The following RUNX1 variants were observed in gnomAD, a reference collection of about 807,000 sequenced individuals.
The protein encoded by RUNX1 is runt-related transcription factor 1.
Under a neutral mutation model 42.8 loss-of-function variants are expected in RUNX1, and 19 were observed. That is an observed-to-expected ratio of 0.44 (90% confidence interval 0.31 to 0.65). The LOEUF (loss-of-function observed/expected upper bound fraction) is 0.65, where lower values mean the gene tolerates loss of function less well. RUNX1 is among the 30% of genes least tolerant of loss of function. The pLI is 0.07. For missense variants in RUNX1, 528 were observed against 672.0 expected (o/e 0.79, Z 2.37); for synonymous variants, 271 against 289.4 (o/e 0.94, Z 0.64).
At chr21:34,923,762 C>T (rs1046198038) in intron 2 of RUNX1, among the ~76,000 whole-genome samples, 1 of 146,814 alleles carries the variant, frequency 6.8e-6, no homozygotes, top group Non-Finnish European at 1.5e-5. Context: ...TACCACCTCC[C>T]CATCCTCTGG....
chr21:34,789,754 C>A lies in RUNX1; in HGVS notation c.*2381G>T. The A allele has an allele frequency of 8.6e-6, 2 of 233,204 alleles. No individual in the cohort carries two copies. 14.4% of individuals were successfully genotyped at this position (233,204 alleles called of 1,614,324 possible). ...CAATCCAGTGAGCCTACAATAGTGA[C>A]AAGCCCCCTCCACACATGGCTTTGA... On this transcript the variant is annotated 3_prime_UTR_variant, in exon 9 of 9. Transcript: ENST00000675419.
intron 2 of RUNX1, among the ~76,000 whole-genome samples, chr21:35,020,272 C>A (rs2059189016): frequency 6.6e-6 from 1 of 151,988 alleles, no homozygotes. Flanking sequence ...AAAGAATGAT[C>A]CCTTGAGCAT....
chr21:34,843,655 C>T lies in RUNX1; in HGVS notation c.614-9054G>A, dbSNP rs936463329. ...AACCAATACAACTTCAAGCCAGAGA[C>T]GCACACAGGCCTGCCCCTCCCCAGC... On this transcript the variant is annotated intron_variant, in intron 6 of 8. Coordinates refer to ENST00000675419, the MANE Select transcript of RUNX1 (RefSeq NM_001754.5). This position sits in a 1 kb window ranked among gnomAD's most constrained non-coding sequence, Gnocchi z 4.8. Among the ~76,000 whole-genome samples, 3 of 152,124 alleles carry T rather than the reference C, an allele frequency of 2.0e-5. No individual in the cohort carries two copies. The highest frequency in any genetic ancestry group is 6.5e-5 in the Admixed American group (1 of 15,276).
Position 34,874,122 on chromosome 21 carries a change from A to G in RUNX1, c.508+6435T>C, listed in dbSNP as rs538447906. Among the ~76,000 whole-genome samples, 9 of 136,848 alleles carry G rather than the reference A, an allele frequency of 6.6e-5. No individual in the cohort carries two copies. In the South Asian group the frequency reaches 2.0e-3, roughly 31 times the overall value. 89.8% of individuals were successfully genotyped at this position (136,848 alleles called of 152,430 possible). On this transcript the variant is annotated intron_variant, in intron 5 of 8. Coordinates refer to ENST00000675419, the MANE Select transcript of RUNX1 (RefSeq NM_001754.5). ...TCTCAATGGAAGTATGGATATTCTC[A>G]TTCTCTCTCTCTCTCTCTCTCTCCC...
intron 2 of RUNX1, among the ~76,000 whole-genome samples, chr21:34,895,320 C>T (rs1413386912): frequency 3.3e-5 from 5 of 152,152 alleles, no homozygotes; most frequent in African/African-American, 1.2e-4. Context: ...TTCAGCATTC[C>T]TTGAATGCTT....
chr21:34,930,299 T>TATAA lies in RUNX1; in HGVS notation c.59-37337_59-37336insTTAT, dbSNP rs1297231112. 6.3e-3 allele frequency among the ~76,000 whole-genome samples: 898 copies of TATAA among 143,606 alleles called. 23 individuals are homozygous for TATAA. Among genetic ancestry groups the TATAA allele is most frequent in the Admixed American group, 0.031 (443 of 14,216 alleles). 94.2% of individuals were successfully genotyped at this position (143,606 alleles called of 152,430 possible). A position where few individuals can be genotyped will look rare whatever the true frequency, so the allele number is the denominator to read the frequency against. ...ATATATATATATATATATAAATAAA[T>TATAA]AAATAAAATTTTACAACTAACATTA... On this transcript the variant is annotated intron_variant, in intron 2 of 8. Transcript: ENST00000675419.
chr21:34,956,392 C>A (rs1410223413), intron 2 of RUNX1, among the ~76,000 whole-genome samples: 1 of 152,104 alleles, frequency 6.6e-6, no homozygotes, highest in African/African-American at 2.4e-5. Flanking sequence ...ACATACAGAA[C>A]AAGGATATAA....
chr21:34,890,346 C>G (rs568854777), intron 3 of RUNX1, among the ~76,000 whole-genome samples: 1 of 152,330 alleles, frequency 6.6e-6, no homozygotes, highest in African/African-American at 2.4e-5. Flanking sequence ...GGATAAAAGA[C>G]AGGAAGCCGC....
At chr21:34,976,608 T>A (rs2058803778) in intron 2 of RUNX1, among the ~76,000 whole-genome samples, 1 of 152,178 alleles carries the variant, frequency 6.6e-6, no homozygotes, top group African/African-American at 2.4e-5. Context: ...TCTGGTGAAG[T>A]CTGCGTCACA....
chr21:34,829,313 G>T (rs2057031970), intron 7 of RUNX1, among the ~76,000 whole-genome samples: 1 of 152,128 alleles, frequency 6.6e-6, no homozygotes, highest in Non-Finnish European at 1.5e-5. Flanking sequence ...TGGGTGTGCT[G>T]GCCTACATAT....
At chr21:34,948,099 T>G (rs1348274835) in intron 2 of RUNX1, among the ~76,000 whole-genome samples, 16 of 146,492 alleles carry the variant, frequency 1.1e-4, no homozygotes, top group African/African-American at 2.5e-4. Flanking sequence ...TTTTTTTTTT[T>G]TGGGGGGGGG....
Position 34,882,914 on chromosome 21 carries a change from CAG to C in RUNX1, c.352-2203_352-2202del, listed in dbSNP as rs1337555863. 3.3e-5 allele frequency among the ~76,000 whole-genome samples: 5 copies of C among 152,184 alleles called. No homozygotes were observed. The East Asian group carries it at 9.6e-4, about 29-fold the overall frequency. ...TGTAACTCAACATTCAGCAGGTATA[CAG>C]AGACTGCCTCCACTACGTGGGTTTC... On this transcript the variant is annotated intron_variant, in intron 4 of 8. Transcript: ENST00000675419.
At chr21:34,852,597 G>A (rs956556518) in intron 6 of RUNX1, among the ~76,000 whole-genome samples, 23 of 152,220 alleles carry the variant, frequency 1.5e-4, no homozygotes, top group Non-Finnish European at 3.4e-4. Context: ...GTACCAGGGG[G>A]AAGTTCCCCC....
intron 2 of RUNX1, among the ~76,000 whole-genome samples, chr21:34,899,304 G>A (rs2058158063): frequency 6.6e-6 from 1 of 152,154 alleles, no homozygotes; most frequent in Non-Finnish European, 1.5e-5. Flanking sequence ...GTGCTGCTAT[G>A]AGTAGGATAT....
At chr21:34,989,597 G>C (rs2058920884) in intron 2 of RUNX1, among the ~76,000 whole-genome samples, 1 of 151,990 alleles carries the variant, frequency 6.6e-6, no homozygotes, top group South Asian at 2.1e-4. Flanking sequence ...AGTCTACTTG[G>C]GAAGCTCTGA....
rs183490462 is a variant in RUNX1, at chr21:34,933,836, C to T, written c.59-40873G>A. Among the ~76,000 whole-genome samples, 7 of 152,312 alleles carry T rather than the reference C, an allele frequency of 4.6e-5. No homozygotes were observed. The East Asian group carries it at 1.4e-3, about 29-fold the overall frequency. ...AAAGGATACTGTCATAAAGCCACAG[C>T]TGCTGCTATTGCCATCACAGACCAA... On this transcript the variant is annotated intron_variant, in intron 2 of 8. Transcript: ENST00000675419.
chr21:35,040,770 C>CAAAAA lies in RUNX1; in HGVS notation c.58+8071_58+8072insTTTTT, dbSNP rs1568808489. 1.4e-4 allele frequency among the ~76,000 whole-genome samples: 7 copies of CAAAAA among 50,986 alleles called. 2 individuals carry two copies. Among genetic ancestry groups the CAAAAA allele is most frequent in the African/African-American group, 9.8e-5 (2 of 20,396 alleles). 33.4% of individuals were successfully genotyped at this position (50,986 alleles called of 152,430 possible). A position where few individuals can be genotyped will look rare whatever the true frequency, so the allele number is the denominator to read the frequency against. On this transcript the variant is annotated intron_variant, in intron 2 of 8. Transcript: ENST00000675419. ...TGGTGACAGAGCTAGTAGACTCCAT[C>CAAAAA]CAAAAAAAAAAAAAAAAAAAAAAAC...
rs1168597752 is a variant in RUNX1, at chr21:34,901,536, T to C, written c.59-8573A>G. On this transcript the variant is annotated intron_variant, in intron 2 of 8. Coordinates refer to ENST00000675419, the MANE Select transcript of RUNX1 (RefSeq NM_001754.5). The surrounding 1 kb of genome is among the most constrained non-coding windows in gnomAD (Gnocchi z 4.3). ...CAAAAATAAATAATAATAATAATAA[T>C]AACAATACCAGTTTCTATCTGTTAG... Among the ~76,000 whole-genome samples, 3 of 151,986 alleles carry C rather than the reference T, an allele frequency of 2.0e-5. No homozygotes were observed. The highest frequency in any genetic ancestry group is 3.9e-4 in the East Asian group (2 of 5,174).
chr21:35,023,243 CTTTG>C (rs1422322462), intron 2 of RUNX1, among the ~76,000 whole-genome samples: 1 of 152,140 alleles, frequency 6.6e-6, no homozygotes, highest in Non-Finnish European at 1.5e-5. Context: ...CACACCTGGC[CTTTG>C]TTTAACTCTT....
Sources: allele counts gnomAD v4.1 joint callset (sites outside exome capture counted in the v4.1 genomes callset), GRCh38; gene constraint gnomAD v4.1.1; non-coding constraint Gnocchi (gnomAD v3.1); transcripts MANE v1.5; gene names NCBI Gene and HGNC (gene_info 2026-07-23, HGNC 2026-07-21).